The following PCGF3 variants were observed in gnomAD, a reference collection of about 807,000 sequenced individuals.
PCGF3 encodes the protein polycomb group RING finger protein 3.
Under a neutral mutation model 33.1 loss-of-function variants are expected in PCGF3, and 7 were observed. The ratio of observed to expected loss-of-function variants is 0.21; its 90% CI spans 0.12 to 0.40. The LOEUF (loss-of-function observed/expected upper bound fraction) is 0.40, where lower values mean the gene tolerates loss of function less well. Among genes scored for constraint, PCGF3 ranks in the 10% least tolerant of loss-of-function variants. The pLI, the probability that PCGF3 is intolerant of heterozygous loss-of-function variation, is 1.00. For synonymous variants in PCGF3, 153 were observed against 121.3 expected (o/e 1.26, Z -1.72); for missense variants, 211 against 313.3 (o/e 0.67, Z 2.46).
intron 4 of PCGF3, 38 bp downstream of exon 4, chr4:733,827 C>T: frequency 6.2e-7 from 1 of 1,613,614 alleles, no homozygotes; most frequent in Non-Finnish European, 8.5e-7. Context: ...GAGGGCGCGC[C>T]CTTCCCAGCT....
At chr4:734,572 A>ATTT in intron 4 of PCGF3, 1 of 1,165,618 alleles carries the variant, frequency 8.6e-7, no homozygotes, top group African/African-American at 1.6e-5. Context: ...TGTACGTAGA[A>ATTT]GATACTGTCA....
chr4:726,348 C>T (rs1050310116), intron 1 of PCGF3, among the ~76,000 whole-genome samples: 12 of 152,302 alleles, frequency 7.9e-5, no homozygotes, highest in African/African-American at 2.9e-4. Flanking sequence ...CTCCCTCCAA[C>T]GAGCAGCGCT....
At chr4:754,970 T>G (rs1420819238) in intron 8 of PCGF3, among the ~76,000 whole-genome samples, 1 of 152,176 alleles carries the variant, frequency 6.6e-6, no homozygotes, top group East Asian at 1.9e-4. Flanking sequence ...TCTTTTTCAC[T>G]TCCAGGTGGA....
intron 7 of PCGF3, among the ~76,000 whole-genome samples, chr4:744,146 G>A (rs553639641): frequency 1.9e-4 from 29 of 152,348 alleles, no homozygotes; most frequent in Admixed American, 1.5e-3. Flanking sequence ...ATGAGGCGTG[G>A]TTAGGAAGCG....
rs757058445 is a variant in PCGF3 at position 734,136 on chromosome 4, C to A, written c.109+347C>A. On this transcript the variant is annotated intron_variant, in intron 4 of 10. Coordinates refer to ENST00000362003, the Ensembl canonical transcript of PCGF3. Reference sequence around the variant, plus strand: ...GTTCCTTAGATCCTTCAAAGGGGAACCTTCCAGTGTGTTCTTCACACCTGA... The same window carrying A: ...GTTCCTTAGATCCTTCAAAGGGGAAACTTCCAGTGTGTTCTTCACACCTGA... 3 of 1,550,628 alleles carry A rather than the reference C, an allele frequency of 1.9e-6. No individual in the cohort carries two copies. In the South Asian group the frequency reaches 3.6e-5, roughly 18 times the overall value.
chr4:764,607 G>GTGTAGATCTCGGTGGTC, intron 9 of PCGF3: 1 of 190,260 alleles, frequency 5.3e-6, no homozygotes, highest in South Asian at 9.9e-5. Flanking sequence ...GGTGTGATGG[G>GTGTAGATCTCGGTGGTC]GCCTGTCAAG....
chr4:761,820 A>G, intron 9 of PCGF3: 4 of 985,436 alleles, frequency 4.1e-6, no homozygotes, highest in Non-Finnish European at 4.8e-6. Context: ...CGGCCTTGGC[A>G]GCGGGCGCAC....
chr4:730,035 C>T (rs1743486485), intron 1 of PCGF3, among the ~76,000 whole-genome samples: 1 of 152,098 alleles, frequency 6.6e-6, no homozygotes, highest in Non-Finnish European at 1.5e-5. Context: ...CTGTGTCCCT[C>T]CCCTGCCCCT....
chr4:760,820 CA>C (rs1308656078), intron 8 of PCGF3, among the ~76,000 whole-genome samples: 1 of 152,272 alleles, frequency 6.6e-6, no homozygotes, highest in East Asian at 1.9e-4. Flanking sequence ...AACTGCTGGT[CA>C]CCTGGAAGGC....
chr4:765,089 G>T, intron 10 of PCGF3, 25 bp downstream of exon 10: 1 of 1,531,718 alleles, frequency 6.5e-7, no homozygotes, highest in Non-Finnish European at 9.0e-7. Flanking sequence ...TTGATTTTCA[G>T]AGTCTGCTCT....
At chr4:734,278 G>A in intron 4 of PCGF3, 5 of 1,465,338 alleles carry the variant, frequency 3.4e-6, no homozygotes, top group Non-Finnish European at 4.5e-6. Context: ...CCATCCATCA[G>A]GCTGAGGCTC....
intron 8 of PCGF3, among the ~76,000 whole-genome samples, chr4:755,198 T>C (rs1744715929): frequency 6.6e-6 from 1 of 152,256 alleles, no homozygotes; most frequent in Non-Finnish European, 1.5e-5. Flanking sequence ...TTACACTTAA[T>C]TTCCCATCTA....
At chr4:749,789 CTT>C (rs34340653) in intron 8 of PCGF3, among the ~76,000 whole-genome samples, 67 of 150,518 alleles carry the variant, frequency 4.5e-4, no homozygotes, top group African/African-American at 1.6e-3. Flanking sequence ...TTTCTTAAAA[CTT>C]TTTTTTTTCT....
chr4:760,950 T>A (rs556590482), intron 8 of PCGF3, among the ~76,000 whole-genome samples: 2 of 152,340 alleles, frequency 1.3e-5, no homozygotes, highest in Non-Finnish European at 2.9e-5. Context: ...CTTTGCGCCA[T>A]GTTTGTCCGG....
intron 6 of PCGF3, among the ~76,000 whole-genome samples, chr4:743,212 G>C (rs916717030): frequency 2.4e-4 from 37 of 152,338 alleles, no homozygotes; most frequent in African/African-American, 8.9e-4. Flanking sequence ...GGGTTTCCCA[G>C]GCCCCGTGCC....
rs193292529 is a variant in PCGF3 at position 761,595 on chromosome 4, A to G, written c.600+179A>G. On this transcript the variant is annotated intron_variant, in intron 9 of 10. Transcript: ENST00000362003. ...GATAGGAGACAGCCCTAAGGGTTGTAGGATGCCCAGAGACAGGGAACGTGG... is the reference window on the plus strand; with the variant it reads ...GATAGGAGACAGCCCTAAGGGTTGTGGGATGCCCAGAGACAGGGAACGTGG... 23 of 936,004 alleles carry G rather than the reference A, an allele frequency of 2.5e-5. No homozygotes were observed. The East Asian group carries it at 2.4e-3, about 100-fold the overall frequency. The allele number at this position is 936,004 out of a possible 1,614,324, so 58.0% of individuals were successfully genotyped here. A position where few individuals can be genotyped will look rare whatever the true frequency, so the allele number is the denominator to read the frequency against.
intron 6 of PCGF3, among the ~76,000 whole-genome samples, chr4:740,972 A>G (rs1260345694): frequency 6.6e-6 from 1 of 152,200 alleles, no homozygotes; most frequent in Non-Finnish European, 1.5e-5. Context: ...GAAAGGAGAA[A>G]AGGGGACTTT....
chr4:744,537 A>G, intron 7 of PCGF3, 63 bp from the exon 8 acceptor site: 1 of 1,207,658 alleles, frequency 8.3e-7, no homozygotes, highest in East Asian at 2.5e-5. Context: ...AGTACAGTGT[A>G]GTTTTTTAAA....
chr4:765,040 G>C, exon 10 of PCGF3: 1 of 1,613,528 alleles, frequency 6.2e-7, no homozygotes, highest in Non-Finnish European at 8.5e-7. Context: ...TCAAGTTCGT[G>C]GTTGTCACTA....
Sources: allele counts gnomAD v4.1 joint callset (sites outside exome capture counted in the v4.1 genomes callset), GRCh38; gene constraint gnomAD v4.1.1; transcripts MANE v1.5; gene names NCBI Gene and HGNC (gene_info 2026-07-23, HGNC 2026-07-21).